The following LCA5 variants were observed in gnomAD, a reference collection of about 807,000 sequenced individuals.
LCA5 encodes the protein lebercilin LCA5.
LCA5 carries 37 observed loss-of-function variants against 53.0 expected under a neutral mutation model. The observed-to-expected ratio is 0.70, with a 90% CI of 0.54 to 0.92. The LOEUF is 0.92. LCA5 is among the 40% of genes least tolerant of loss of function. LCA5 has a pLI of 0.00. For synonymous variants in LCA5, 303 were observed against 282.9 expected (o/e 1.07, Z -0.71); for missense variants, 806 against 790.5 (o/e 1.02, Z -0.23).
At chr6:79,537,642 C>G (rs965096148), upstream of LCA5, among the ~76,000 whole-genome samples, 3 of 152,174 alleles carry the variant, frequency 2.0e-5, no homozygotes, top group African/African-American at 7.2e-5. Flanking sequence ...CAGGCTCCTA[C>G]GGGCTGTGCG....
At chr6:79,535,554 T>G (rs1453141204) in intron 1 of LCA5, among the ~76,000 whole-genome samples, 1 of 152,122 alleles carries the variant, frequency 6.6e-6, no homozygotes, top group African/African-American at 2.4e-5. Flanking sequence ...AGTTTTGGGC[T>G]TGCAAAATTA....
chr6:79,534,432 T>C (rs1212096139), intron 1 of LCA5, among the ~76,000 whole-genome samples: 1 of 152,102 alleles, frequency 6.6e-6, no homozygotes, highest in East Asian at 1.9e-4. Context: ...TTTATTCATT[T>C]ATAAGACATT....
intron 1 of LCA5, among the ~76,000 whole-genome samples, chr6:79,528,725 A>T (rs1766867102): frequency 6.6e-6 from 1 of 152,170 alleles, no homozygotes; most frequent in African/African-American, 2.4e-5. Context: ...ATCTATTATA[A>T]TCAACAAAGA....
chr6:79,524,484 C>T (rs1766722216), intron 1 of LCA5, among the ~76,000 whole-genome samples: 1 of 152,180 alleles, frequency 6.6e-6, no homozygotes, highest in Non-Finnish European at 1.5e-5. Context: ...CTGTCTTAAA[C>T]CCTCAGCATT....
At chr6:79,494,090 A>C (rs773157783) in intron 3 of LCA5, among the ~76,000 whole-genome samples, 1 of 152,070 alleles carries the variant, frequency 6.6e-6, no homozygotes, top group Non-Finnish European at 1.5e-5. Context: ...ATCTCTATAA[A>C]ATAAGAGTTT....
At chr6:79,536,517 A>G (rs1767127953) in intron 1 of LCA5, among the ~76,000 whole-genome samples, 1 of 152,226 alleles carries the variant, frequency 6.6e-6, no homozygotes, top group African/African-American at 2.4e-5. Context: ...TCTAACGTAA[A>G]CATCACGTAT....
chr6:79,532,435 C>T (rs552244914), intron 1 of LCA5, among the ~76,000 whole-genome samples: 35 of 152,226 alleles, frequency 2.3e-4, no homozygotes, highest in African/African-American at 7.9e-4. Context: ...CTCCTATGGC[C>T]GTCAGAGTCC....
At chr6:79,506,004 C>A (rs1315136743) in intron 3 of LCA5, among the ~76,000 whole-genome samples, 1 of 152,014 alleles carries the variant, frequency 6.6e-6, no homozygotes, top group Non-Finnish European at 1.5e-5. Flanking sequence ...TGGAAGCAAT[C>A]AACAAGCAAC....
chr6:79,512,201 G>A (rs1381794352), intron 3 of LCA5, among the ~76,000 whole-genome samples: 1 of 152,058 alleles, frequency 6.6e-6, no homozygotes. Context: ...TACTTCATGG[G>A]TAAGTGGCTC....
rs1056850727 is a variant in LCA5 at position 79,537,379 on chromosome 6, T to A, written c.-406A>T. 6.6e-6 allele frequency: 1 copy of A among 152,660 alleles called. No individual in the cohort carries two copies. Among genetic ancestry groups the A allele is most frequent in the African/African-American group, 2.4e-5 (1 of 41,440 alleles). The allele number at this position is 152,660 out of a possible 1,614,324, so 9.5% of individuals were successfully genotyped here. A position where few individuals can be genotyped will look rare whatever the true frequency, so the allele number is the denominator to read the frequency against. ...AGAGGCGAGGATCGGGGCTCCTGGG[T>A]GGCAGCGGCGGTAACCTGGGCTCCA... On this transcript the variant is annotated 5_prime_UTR_variant, in exon 1 of 8. Transcript: ENST00000369846.
rs1322890097 is a variant in LCA5 at position 79,518,803 on chromosome 6, T to G, written c.92A>C (p.Gln31Pro). Residue 31 changes from glutamine (Q) to proline (P), a missense_variant, in exon 2 of 8, where the codon CAG (glutamine) becomes CCG (proline). Coordinates refer to ENST00000369846, the MANE Select transcript of LCA5 (RefSeq NM_001122769.3). ...YSYLSDFETP[Q>P]SSGRSSLVSS... ...GACCAGCGATGATCGGCCAGAAGAC[T>G]GTGGCGTTTCAAAATCAGATAAGTA... 1.2e-6 allele frequency: 2 copies of G among 1,614,010 alleles called. No individual in the cohort carries two copies. The highest frequency in any genetic ancestry group is 2.7e-5 in the African/African-American group (2 of 74,922).
intron 1 of LCA5, among the ~76,000 whole-genome samples, chr6:79,522,978 T>A (rs1436790250): frequency 6.6e-6 from 1 of 152,024 alleles, no homozygotes; most frequent in African/African-American, 2.4e-5. Context: ...TTGTCTGGGG[T>A]TCGCTTCAAA....
At chr6:79,492,918 T>C (rs1458997156) in intron 4 of LCA5, among the ~76,000 whole-genome samples, 2 of 152,090 alleles carry the variant, frequency 1.3e-5, no homozygotes, top group East Asian at 3.9e-4. Context: ...ATAGAGCTAG[T>C]ACTGTCTTAA....
intron 5 of LCA5, 124 bp from the exon 6 acceptor site, chr6:79,491,854 C>A: frequency 1.3e-6 from 1 of 750,456 alleles, no homozygotes; most frequent in South Asian, 1.5e-5. Context: ...TTATATGCAC[C>A]ACTTCATTTA....
intron 3 of LCA5, among the ~76,000 whole-genome samples, chr6:79,495,761 A>G (rs1179499691): frequency 6.6e-6 from 1 of 151,866 alleles, no homozygotes; most frequent in African/African-American, 2.4e-5. Context: ...AAAAAAAAAA[A>G]AAAAAAAAGT....
chr6:79,537,913 A>G (rs2127694800), upstream of LCA5, among the ~76,000 whole-genome samples: 1 of 149,300 alleles, frequency 6.7e-6, no homozygotes, highest in South Asian at 2.1e-4. Flanking sequence ...CTGCCTCGAG[A>G]TCCTGGCTGT....
At chr6:79,521,504 T>G (rs1766623811) in intron 1 of LCA5, among the ~76,000 whole-genome samples, 1 of 152,188 alleles carries the variant, frequency 6.6e-6, no homozygotes, top group African/African-American at 2.4e-5. Context: ...TACTGTGAAA[T>G]AAAACAAATG....
chr6:79,538,066 T>G (rs1767213026), upstream of LCA5, among the ~76,000 whole-genome samples: 1 of 135,644 alleles, frequency 7.4e-6, no homozygotes, highest in Non-Finnish European at 1.5e-5. Flanking sequence ...AGGAACGTTT[T>G]GAGGAGCATG....
intron 1 of LCA5, among the ~76,000 whole-genome samples, chr6:79,529,270 G>A (rs934506437): frequency 2.6e-5 from 4 of 152,124 alleles, no homozygotes; most frequent in African/African-American, 7.2e-5. Context: ...GTACCAGAAA[G>A]GTTTAAATAA....
Sources: allele counts gnomAD v4.1 joint callset (sites outside exome capture counted in the v4.1 genomes callset), GRCh38; gene constraint gnomAD v4.1.1; transcripts MANE v1.5; gene names NCBI Gene and HGNC (gene_info 2026-07-23, HGNC 2026-07-21).